THSD7B: variants seen among roughly 807,000 people sequenced by gnomAD.
The protein encoded by THSD7B is thrombospondin type-1 domain-containing protein 7B.
THSD7B carries 138 observed loss-of-function variants against 213.6 expected under a neutral mutation model. That is an observed-to-expected ratio of 0.65 (90% CI 0.56 to 0.74). THSD7B has a LOEUF of 0.74. THSD7B is among the 30% of genes least tolerant of loss of function. THSD7B has a pLI of 0.00. For missense variants in THSD7B, 1,931 were observed against 1,991.5 expected (o/e 0.97, Z 0.58); for synonymous variants, 742 against 687.0 (o/e 1.08, Z -1.25).
chr2:137,557,460 G>C (rs1196184348), intron 15 of THSD7B, among the ~76,000 whole-genome samples: 4 of 152,292 alleles, frequency 2.6e-5, no homozygotes, highest in African/African-American at 7.2e-5. Context: ...GCTCCTGAAT[G>C]AATACTGGGT....
chr2:137,491,733 T>A (rs909173715), intron 15 of THSD7B, among the ~76,000 whole-genome samples: 75 of 152,266 alleles, frequency 4.9e-4, no homozygotes, highest in Non-Finnish European at 7.5e-4. Flanking sequence ...CAGTTCCTTT[T>A]AAAAAGATTT....
intron 2 of THSD7B, among the ~76,000 whole-genome samples, chr2:136,995,194 G>T (rs903237749): frequency 6.6e-6 from 1 of 152,198 alleles, no homozygotes; most frequent in Non-Finnish European, 1.5e-5. Flanking sequence ...GCAAATTCTA[G>T]TGGGGTCTGT....
chr2:137,145,096 A>G (rs1375028909), intron 5 of THSD7B, among the ~76,000 whole-genome samples: 1 of 152,084 alleles, frequency 6.6e-6, no homozygotes, highest in African/African-American at 2.4e-5. Context: ...TATTGTTTTG[A>G]GACATAAAGC....
At chr2:137,014,283 T>C (rs1686292258) in intron 2 of THSD7B, among the ~76,000 whole-genome samples, 1 of 152,206 alleles carries the variant, frequency 6.6e-6, no homozygotes. Flanking sequence ...TCTCTGCAAC[T>C]ACTCACATGG....
Position 136,790,662 on chromosome 2 carries a change from ATAGT to A in THSD7B, c.-36+24979_-36+24982del, listed in dbSNP as rs558324099. Among the ~76,000 whole-genome samples the A allele has an allele frequency of 9.2e-5, 14 of 152,236 alleles. No homozygotes were observed. The East Asian group carries it at 2.7e-3, about 29-fold the overall frequency. On this transcript the variant is annotated intron_variant, in intron 1 of 27. Transcript: ENST00000409968. Reference sequence around the variant, plus strand: ...GTAATTTATACTTATCTCTGCCATGATAGTTAGCATATTGGGGGTAGTAAAAATG... The same window carrying A: ...GTAATTTATACTTATCTCTGCCATGATAGCATATTGGGGGTAGTAAAAATG...
chr2:136,981,678 TTTATTCC>T (rs1685580235), intron 2 of THSD7B, among the ~76,000 whole-genome samples: 1 of 152,198 alleles, frequency 6.6e-6, no homozygotes, highest in Non-Finnish European at 1.5e-5. Context: ...GTGCCCTCTG[TTTATTCC>T]TTCGACAAGT....
chr2:137,438,195 C>T (rs1687331994), intron 14 of THSD7B, among the ~76,000 whole-genome samples: 3 of 152,066 alleles, frequency 2.0e-5, no homozygotes. Context: ...ATGACAGGCA[C>T]AAGGTAACAC....
chr2:137,007,378 A>G (rs1451478320), intron 2 of THSD7B, among the ~76,000 whole-genome samples: 2 of 152,224 alleles, frequency 1.3e-5, no homozygotes, highest in African/African-American at 4.8e-5. Context: ...CATTTTAGCA[A>G]TTAAAAGTTT....
At chr2:137,125,159 C>G (rs1293923324) in intron 5 of THSD7B, among the ~76,000 whole-genome samples, 1 of 152,180 alleles carries the variant, frequency 6.6e-6, no homozygotes. Context: ...AGAGTCTTCT[C>G]CACTGCTCCA....
chr2:137,345,964 TGTG>T (rs1026765610), intron 12 of THSD7B, among the ~76,000 whole-genome samples: 1 of 151,574 alleles, frequency 6.6e-6, no homozygotes, highest in Non-Finnish European at 1.5e-5. Context: ...GGTTGCTTGT[TGTG>T]GTGGGGGAAT....
intron 15 of THSD7B, among the ~76,000 whole-genome samples, chr2:137,510,596 T>C (rs1679940958): frequency 6.6e-6 from 1 of 152,164 alleles, no homozygotes; most frequent in South Asian, 2.1e-4. Flanking sequence ...TTAGCATTTG[T>C]GTTATTTTTC....
chr2:137,416,441 C>T (rs1475319214), intron 14 of THSD7B, among the ~76,000 whole-genome samples: 1 of 152,194 alleles, frequency 6.6e-6, no homozygotes, highest in African/African-American at 2.4e-5. Flanking sequence ...TTCTTCCGCT[C>T]TTGTGTTTTT....
At chr2:137,667,537 C>T (rs966326913) in intron 26 of THSD7B, among the ~76,000 whole-genome samples, 3 of 152,010 alleles carry the variant, frequency 2.0e-5, no homozygotes, top group African/African-American at 2.4e-5. Context: ...GTAGGAAACC[C>T]GTATTCCTAT....
In THSD7B at chr2:137,430,888, C is replaced by T. The variant is rs375567537; in HGVS notation, c.2959+19016C>T. Among the ~76,000 whole-genome samples, 22 of 152,224 alleles carry T rather than the reference C, an allele frequency of 1.4e-4. No individual in the cohort carries two copies. The East Asian group carries it at 4.1e-3, about 28-fold the overall frequency. ...ATCCAGAATAAGGTAGAAAAGTGAGCTAGGGATGGTTGATGACATTAACAC... is the reference window on the plus strand; with the variant it reads ...ATCCAGAATAAGGTAGAAAAGTGAGTTAGGGATGGTTGATGACATTAACAC... On this transcript the variant is annotated intron_variant, in intron 14 of 27. Transcript: ENST00000409968.
intron 3 of THSD7B, among the ~76,000 whole-genome samples, chr2:137,093,014 T>A (rs1009714761): frequency 6.6e-6 from 1 of 152,198 alleles, no homozygotes; most frequent in Non-Finnish European, 1.5e-5. Context: ...ATTGACCCTT[T>A]TTTTAGTTTA....
intron 12 of THSD7B, among the ~76,000 whole-genome samples, chr2:137,346,077 C>T (rs976363016): frequency 2.0e-5 from 3 of 151,456 alleles, no homozygotes; most frequent in Non-Finnish European, 3.0e-5. Context: ...ACTTTTGTTT[C>T]GAGAGCATTT....
intron 2 of THSD7B, among the ~76,000 whole-genome samples, chr2:136,990,182 C>T (rs924951874): frequency 7.9e-5 from 12 of 152,200 alleles, no homozygotes; most frequent in East Asian, 1.9e-4. Context: ...TAGTTAACGG[C>T]GGAGCCCAGA....
At chr2:137,509,128 C>G (rs1351370001) in intron 15 of THSD7B, among the ~76,000 whole-genome samples, 2 of 152,174 alleles carry the variant, frequency 1.3e-5, no homozygotes, top group African/African-American at 4.8e-5. Flanking sequence ...ACTAATATTG[C>G]AGGACTCAAA....
At chr2:136,766,149 A>C (rs1299494957) in intron 1 of THSD7B, among the ~76,000 whole-genome samples, 1 of 152,210 alleles carries the variant, frequency 6.6e-6, no homozygotes, top group Non-Finnish European at 1.5e-5. Flanking sequence ...CAGGCTTTGC[A>C]AACAGGTTGA....
Sources: gnomAD v4.1 joint callset for allele counts (sites outside exome capture counted in the v4.1 genomes callset) on GRCh38, gnomAD v4.1.1 for gene constraint, MANE v1.5 for transcripts, NCBI Gene and HGNC (gene_info 2026-07-23, HGNC 2026-07-21) for gene names.